RFX8: variants seen among roughly 807,000 people sequenced by gnomAD.
RFX8 encodes DNA-binding protein RFX8.
Under a neutral mutation model 54.6 loss-of-function variants are expected in RFX8, and 46 were observed. The ratio of observed to expected loss-of-function variants is 0.84; its 90% CI spans 0.67 to 1.08. The LOEUF is 1.08. Among genes scored for constraint, RFX8 ranks in the 50% least tolerant of loss-of-function variants. The pLI is 0.00. For missense variants in RFX8, 536 were observed against 562.3 expected (o/e 0.95, Z 0.47); for synonymous variants, 192 against 209.5 (o/e 0.92, Z 0.72).
chr2:101,467,127 C>T (rs1689615084), intron 1 of RFX8, among the ~76,000 whole-genome samples: 1 of 152,130 alleles, frequency 6.6e-6, no homozygotes, highest in African/African-American at 2.4e-5. Flanking sequence ...ATCAGAAGCC[C>T]ATAACGTGTT....
Position 101,405,989 on chromosome 2 carries a change from G to A in RFX8, c.882C>T (p.Leu294=). The part of the protein sequence containing the change: ...ASFQLRWNLL[L]TAVSKAMTLC... ...GGGTCATGGCTTTGCTTACAGCAGT[G>A]AGAAGAAGATTCCATCTCAGCTGGA... Residue 294 remains leucine, a synonymous_variant, in exon 10 of 12, where the codon CTC becomes CTT. Coordinates refer to ENST00000428343, the MANE Select transcript of RFX8 (RefSeq NM_001145664.2). 5.8e-6 allele frequency: 9 copies of A among 1,549,358 alleles called. No individual in the cohort carries two copies. The highest frequency in any genetic ancestry group is 7.9e-6 in the Non-Finnish European group (9 of 1,145,948).
At chr2:101,456,460 A>G (rs893330586) in intron 2 of RFX8, among the ~76,000 whole-genome samples, 14 of 152,226 alleles carry the variant, frequency 9.2e-5, no homozygotes, top group African/African-American at 3.1e-4. Context: ...TTCTGCATCT[A>G]TTGAGATAAT....
chr2:101,443,204 G>C (rs538695975), intron 2 of RFX8, among the ~76,000 whole-genome samples: 1 of 152,264 alleles, frequency 6.6e-6, no homozygotes, highest in East Asian at 1.9e-4. Flanking sequence ...TGATTGTACA[G>C]TCCTGGGTCC....
At chr2:101,433,688 A>G (rs1305214776) in intron 2 of RFX8, among the ~76,000 whole-genome samples, 4 of 152,186 alleles carry the variant, frequency 2.6e-5, no homozygotes, top group African/African-American at 9.7e-5. Flanking sequence ...CTCGCAAATC[A>G]CTCTAACCAG....
At chr2:101,447,211 C>G (rs10180163) in intron 2 of RFX8, among the ~76,000 whole-genome samples, 113,465 of 152,016 alleles carry the variant, frequency 0.75, 43,517 homozygotes, top group Middle Eastern at 0.88. Context: ...CAGTGCAAAT[C>G]TGAACAACGG....
At chr2:101,414,171 G>A (rs973178373) in intron 7 of RFX8, among the ~76,000 whole-genome samples, 1 of 152,208 alleles carries the variant, frequency 6.6e-6, no homozygotes, top group Non-Finnish European at 1.5e-5. Flanking sequence ...ACGGGTGAAG[G>A]GTGTGTCTGT....
At chr2:101,416,998 A>G (rs1403271303) in intron 6 of RFX8, among the ~76,000 whole-genome samples, 1 of 152,204 alleles carries the variant, frequency 6.6e-6, no homozygotes, top group Non-Finnish European at 1.5e-5. Context: ...TTGACCTGCC[A>G]AAAGTCCATG....
chr2:101,398,102 C>T (rs1685225722), intron 11 of RFX8, among the ~76,000 whole-genome samples: 1 of 152,186 alleles, frequency 6.6e-6, no homozygotes, highest in Non-Finnish European at 1.5e-5. Context: ...AGGTGATCCA[C>T]CTGCCTCAGC....
At chr2:101,410,921 T>C (rs181224919) in intron 8 of RFX8, among the ~76,000 whole-genome samples, 2 of 152,334 alleles carry the variant, frequency 1.3e-5, no homozygotes, top group East Asian at 1.9e-4. Flanking sequence ...TACATGGACA[T>C]ACCTGTTGTG....
At chr2:101,407,039 A>C (rs1193740229) in intron 9 of RFX8, among the ~76,000 whole-genome samples, 1 of 152,192 alleles carries the variant, frequency 6.6e-6, no homozygotes, top group Non-Finnish European at 1.5e-5. Flanking sequence ...AGCCATCTGT[A>C]AGCCATGAGT....
chr2:101,412,658 C>T (rs560245844), intron 8 of RFX8, among the ~76,000 whole-genome samples: 20 of 152,300 alleles, frequency 1.3e-4, no homozygotes, highest in South Asian at 2.1e-4. Context: ...CTCATCTGAT[C>T]GTTTATGGAC....
chr2:101,397,880 C>T (rs908441758), intron 11 of RFX8, among the ~76,000 whole-genome samples, 156 bp from the exon 12 acceptor site: 2 of 151,458 alleles, frequency 1.3e-5, no homozygotes, highest in East Asian at 1.9e-4. Flanking sequence ...TTTTTTGAGA[C>T]GGAGTTCCAC....
At chr2:101,412,644 C>A (rs980718570) in intron 8 of RFX8, among the ~76,000 whole-genome samples, 7 of 152,158 alleles carry the variant, frequency 4.6e-5, no homozygotes, top group African/African-American at 1.7e-4. Flanking sequence ...AAGCAGCAAG[C>A]ACACTCATCT....
At chr2:101,427,884 G>C (rs1321061771) in intron 2 of RFX8, among the ~76,000 whole-genome samples, 1 of 152,152 alleles carries the variant, frequency 6.6e-6, no homozygotes, top group African/African-American at 2.4e-5. Context: ...CAAGAAGGCT[G>C]GTCACTAAAC....
intron 2 of RFX8, among the ~76,000 whole-genome samples, chr2:101,453,695 T>G (rs1573463424): frequency 1.3e-5 from 2 of 152,282 alleles, no homozygotes; most frequent in South Asian, 4.1e-4. Context: ...ATCACACAAC[T>G]TGCATGTCTA....
chr2:101,407,042 C>T (rs536291423), intron 9 of RFX8, among the ~76,000 whole-genome samples: 129 of 152,330 alleles, frequency 8.5e-4, no homozygotes, highest in African/African-American at 3.0e-3. Flanking sequence ...CATCTGTAAG[C>T]CATGAGTCAT....
chr2:101,469,874 G>T (rs1333726994), intron 1 of RFX8, among the ~76,000 whole-genome samples: 1 of 152,134 alleles, frequency 6.6e-6, no homozygotes, highest in African/African-American at 2.4e-5. Flanking sequence ...TGCCACACAT[G>T]GAAAGAAAGG....
At chr2:101,460,907 A>G (rs1689236198) in intron 2 of RFX8, among the ~76,000 whole-genome samples, 1 of 151,536 alleles carries the variant, frequency 6.6e-6, no homozygotes, top group South Asian at 2.1e-4. Flanking sequence ...GACACAATTA[A>G]CACCTCGATC....
chr2:101,421,152 G>T, intron 4 of RFX8: 1 of 654,532 alleles, frequency 1.5e-6, no homozygotes, highest in Non-Finnish European at 1.9e-6. Flanking sequence ...AAGTTGAAGT[G>T]CTTAGAATAT....
Sources: gnomAD v4.1 joint callset for allele counts (sites outside exome capture counted in the v4.1 genomes callset) on GRCh38, gnomAD v4.1.1 for gene constraint, MANE v1.5 for transcripts, NCBI Gene and HGNC (gene_info 2026-07-23, HGNC 2026-07-21) for gene names.